The following NFKBID variants were observed in gnomAD, a reference collection of about 807,000 sequenced individuals.
NFKBID encodes the protein NF-kappa-B inhibitor delta.
Under a neutral mutation model 53.4 loss-of-function variants are expected in NFKBID, and 26 were observed. That is an observed-to-expected ratio of 0.49 (90% CI 0.36 to 0.68). The LOEUF is 0.68. Among genes scored for constraint, NFKBID ranks in the 30% least tolerant of loss-of-function variants. NFKBID has a pLI of 0.00. For missense variants in NFKBID, 493 were observed against 614.1 expected (o/e 0.80, Z 2.08); for synonymous variants, 262 against 259.8 (o/e 1.01, Z -0.08).
intron 1 of NFKBID, among the ~76,000 whole-genome samples, chr19:35,899,048 C>A (rs910099982): frequency 2.6e-5 from 4 of 152,194 alleles, no homozygotes. Context: ...TCTGACCCAA[C>A]TTTCCACCAC....
intron 2 of NFKBID, 75 bp downstream of exon 2, chr19:35,898,644 C>G: frequency 1.4e-6 from 2 of 1,444,490 alleles, no homozygotes; most frequent in South Asian, 1.2e-5. Flanking sequence ...TCATCAGCCC[C>G]GAGGGCCCGG....
At chr19:35,893,677 G>T (rs901897624) in intron 9 of NFKBID, among the ~76,000 whole-genome samples, 1 of 152,026 alleles carries the variant, frequency 6.6e-6, no homozygotes, top group South Asian at 2.1e-4. Context: ...AAATTTAGCC[G>T]GGCGTGGTGG....
At chr19:35,892,519 G>A (rs1974838510) in intron 9 of NFKBID, among the ~76,000 whole-genome samples, 1 of 149,992 alleles carries the variant, frequency 6.7e-6, no homozygotes, top group African/African-American at 2.5e-5. Context: ...ACTCCAACCT[G>A]GGCGACAGAG....
intron 9 of NFKBID, chr19:35,890,781 T>C (rs1568485795): frequency 4.9e-6 from 2 of 406,216 alleles, no homozygotes; most frequent in East Asian, 5.9e-5. Context: ...GGAGGTTCAT[T>C]TGAGCCTAGG....
At chr19:35,888,173 A>G, downstream of NFKBID, 1 of 187,466 alleles carries the variant, frequency 5.3e-6, no homozygotes, top group Non-Finnish European at 1.1e-5. Flanking sequence ...TAGGAGATTT[A>G]CTGAGATGGT....
chr19:35,890,454 C>T (rs753330937), exon 10 of NFKBID: 8 of 1,613,844 alleles, frequency 5.0e-6, no homozygotes, highest in East Asian at 2.2e-5. Context: ...GCAGCCTGCA[C>T]GGCCAAGTGC....
chr19:35,889,814 T>C (rs376975762), intron 11 of NFKBID, 76 bp downstream of exon 11: 25 of 1,416,302 alleles, frequency 1.8e-5, no homozygotes, highest in South Asian at 6.5e-5. Context: ...AAAGCGAGCA[T>C]TGGGTGGGGC....
chr19:35,896,282 G>A lies in NFKBID; in HGVS notation c.832-13C>T. Reference sequence around the variant, plus strand: ...AGTTAAGCACAGCCTGGGAGGAAGAGAAGGCAGACTGCTGGGTAAGGGTAT... The same window carrying A: ...AGTTAAGCACAGCCTGGGAGGAAGAAAAGGCAGACTGCTGGGTAAGGGTAT... On this transcript the variant is annotated splice_polypyrimidine_tract_variant and intron_variant, in intron 7 of 11. Transcript: ENST00000641389. This position sits in a 1 kb window ranked among gnomAD's most constrained non-coding sequence, Gnocchi z 5.7. 1 of 1,614,196 alleles carries A rather than the reference G, an allele frequency of 6.2e-7. No individual in the cohort carries two copies. The highest frequency in any genetic ancestry group is 8.5e-7 in the Non-Finnish European group (1 of 1,180,024).
intron 11 of NFKBID, 80 bp from the exon 12 acceptor site, chr19:35,888,692 G>C (rs1974547892): frequency 1.9e-6 from 2 of 1,056,654 alleles, no homozygotes; most frequent in Non-Finnish European, 2.9e-6. Flanking sequence ...CAGAGGGAGG[G>C]GCTAGAGAAG....
exon 12 of NFKBID, chr19:35,888,527 TG>T: frequency 6.5e-7 from 1 of 1,527,604 alleles, no homozygotes; most frequent in Non-Finnish European, 8.9e-7. Flanking sequence ...CGGTGGGGAC[TG>T]GAAAATCAGT....
At chr19:35,891,943 T>C (rs1018574978) in intron 9 of NFKBID, among the ~76,000 whole-genome samples, 1 of 151,692 alleles carries the variant, frequency 6.6e-6, no homozygotes, top group African/African-American at 2.4e-5. Context: ...AGTGCAGTGG[T>C]GTGACCAAGG....
downstream of NFKBID, chr19:35,888,169 A>G (rs1254925282): frequency 5.4e-6 from 1 of 184,216 alleles, no homozygotes; most frequent in East Asian, 1.6e-4. Flanking sequence ...ATTGTAGGAG[A>G]TTTACTGAGA....
rs1357284391 is a variant in NFKBID at position 35,896,773 on chromosome 19, C to A, written c.637G>T (p.Val213Leu). The A allele has an allele frequency of 2.5e-6, 4 of 1,613,874 alleles. No homozygotes were observed. The highest frequency in any genetic ancestry group is 1.3e-5 in the African/African-American group (1 of 74,922). ...TCAAGACGCCGGTACACCTGGAGCA[C>A]CTCAGCCGCAGCATATGCCGCCCAG... Residue 213 changes from valine to leucine, a missense_variant, in exon 6 of 12, where the codon GTG becomes TTG. Around this residue, in one of 2 missense-constraint regions of NFKBID, gnomAD observed 267 missense variants for 384.6 expected, o/e 0.69. Transcript: ENST00000641389. This position sits in a 1 kb window ranked among gnomAD's most constrained non-coding sequence, Gnocchi z 5.7.
rs1467096871 is a variant in NFKBID at position 35,898,841 on chromosome 19, G to A, written c.62-19C>T. 3 of 1,530,456 alleles carry A rather than the reference G, an allele frequency of 2.0e-6. No homozygotes were observed. Among genetic ancestry groups the A allele is most frequent in the Non-Finnish European group, 2.6e-6 (3 of 1,141,926 alleles). 94.8% of individuals were successfully genotyped at this position (1,530,456 alleles called of 1,614,324 possible). The stretch of plus-strand genomic sequence containing the variant: ...CTGCTCACTGTGCGGGAGAGGAGAG[G>A]GGGAAGTCATCAAGGGTCCTTAAGT... On this transcript the variant is annotated intron_variant, in intron 1 of 11. Transcript: ENST00000641389.
chr19:35,889,754 G>C, intron 11 of NFKBID, 136 bp downstream of exon 11: 5 of 867,776 alleles, frequency 5.8e-6, no homozygotes, highest in Non-Finnish European at 9.0e-6. Context: ...TATAGAGTCA[G>C]GGTTGCCTGA....
exon 1 of NFKBID, chr19:35,900,506 C>T: frequency 8.1e-7 from 1 of 1,231,874 alleles, no homozygotes; most frequent in East Asian, 3.2e-5. Flanking sequence ...GCGCCAGCCT[C>T]GCTGTTTCCC....
intron 11 of NFKBID, among the ~76,000 whole-genome samples, chr19:35,889,554 G>T (rs992760224): frequency 6.6e-6 from 1 of 151,864 alleles, no homozygotes; most frequent in Non-Finnish European, 1.5e-5. Flanking sequence ...GGTCACATCT[G>T]AGGTCAGGAC....
intron 9 of NFKBID, among the ~76,000 whole-genome samples, chr19:35,895,331 A>C (rs933652951): frequency 6.6e-6 from 1 of 151,504 alleles, no homozygotes. Flanking sequence ...AAAAAAAAAA[A>C]AAAAAAAATA....
intron 9 of NFKBID, among the ~76,000 whole-genome samples, chr19:35,891,742 CT>C (rs1259402908): frequency 6.6e-6 from 1 of 151,984 alleles, no homozygotes; most frequent in African/African-American, 2.4e-5. Flanking sequence ...TGGCACATGC[CT>C]ATAATCCCAG....
Sources: allele counts gnomAD v4.1 joint callset (sites outside exome capture counted in the v4.1 genomes callset), GRCh38; gene constraint gnomAD v4.1.1; regional missense constraint gnomAD v4.1.1; non-coding constraint Gnocchi (gnomAD v3.1); transcripts MANE v1.5; gene names NCBI Gene and HGNC (gene_info 2026-07-23, HGNC 2026-07-21).